PRDM5: variants seen among roughly 807,000 people sequenced by gnomAD.
The protein encoded by PRDM5 is PR/SET domain 5, also known as PR domain zinc finger protein 5.
PRDM5 carries 56 observed loss-of-function variants against 81.2 expected under a neutral mutation model. That is an observed-to-expected ratio of 0.69 (90% CI 0.56 to 0.86). The LOEUF (loss-of-function observed/expected upper bound fraction) is 0.86, where lower values mean the gene tolerates loss of function less well. Ranked by LOEUF, PRDM5 falls within the 40% of genes least tolerant of loss-of-function variation. The pLI is 0.00. For missense variants in PRDM5, 697 were observed against 770.1 expected, an observed-to-expected ratio of 0.91 and a Z score of 1.12; for synonymous variants, 267 against 256.4, an observed-to-expected ratio of 1.04 and a Z score of -0.39.
chr4:120,740,507 A>G (rs746756372), intron 14 of PRDM5, among the ~76,000 whole-genome samples: 14 of 152,146 alleles, frequency 9.2e-5, no homozygotes, highest in Non-Finnish European at 1.5e-4. Context: ...GAAAATCACA[A>G]TATCCCAAAA....
intron 15 of PRDM5, among the ~76,000 whole-genome samples, chr4:120,705,744 A>T (rs1736012915): frequency 6.6e-6 from 1 of 152,124 alleles, no homozygotes; most frequent in Non-Finnish European, 1.5e-5. Context: ...ATATAATCTG[A>T]CTCAGGTTCT....
At chr4:120,770,994 A>G (rs4259089) in intron 13 of PRDM5, among the ~76,000 whole-genome samples, 95,354 of 151,548 alleles carry the variant, frequency 0.63, 30,560 homozygotes, top group East Asian at 0.72. Flanking sequence ...TTCTTACAAA[A>G]ATATATCCTT....
At chr4:120,844,062 G>A (rs534194448) in intron 3 of PRDM5, among the ~76,000 whole-genome samples, 1 of 152,214 alleles carries the variant, frequency 6.6e-6, no homozygotes, top group East Asian at 1.9e-4. Flanking sequence ...CCACTGTGGG[G>A]CAGGCTCACT....
At chr4:120,764,799 C>A (rs1356305367) in intron 13 of PRDM5, among the ~76,000 whole-genome samples, 1 of 152,092 alleles carries the variant, frequency 6.6e-6, no homozygotes, top group African/African-American at 2.4e-5. Flanking sequence ...TTCTACTCAA[C>A]GTTTCTGTTA....
chr4:120,713,961 G>A (rs751423039), intron 14 of PRDM5, among the ~76,000 whole-genome samples: 3 of 152,030 alleles, frequency 2.0e-5, no homozygotes, highest in Non-Finnish European at 2.9e-5. Context: ...CCTTATAAGC[G>A]CACTAATCCC....
chr4:120,693,775 A>T lies in PRDM5; in HGVS notation c.*1336T>A, dbSNP rs1734247685. On this transcript the variant is annotated 3_prime_UTR_variant, in exon 16 of 16. Coordinates refer to ENST00000264808, the MANE Select transcript of PRDM5 (RefSeq NM_018699.4). ...ACTTCCTTTCTTTTGACTGGGCTTCAGTTAGAGAGGTTCATGAGTTGGGCT... is the reference window on the plus strand; with the variant it reads ...ACTTCCTTTCTTTTGACTGGGCTTCTGTTAGAGAGGTTCATGAGTTGGGCT... The T allele has an allele frequency of 6.6e-6, 1 of 152,090 alleles. No homozygotes were observed. The allele number at this position is 152,090 out of a possible 1,614,324, so 9.4% of individuals were successfully genotyped here.
chr4:120,750,309 C>T (rs1743794270), intron 14 of PRDM5, among the ~76,000 whole-genome samples: 1 of 152,088 alleles, frequency 6.6e-6, no homozygotes, highest in Non-Finnish European at 1.5e-5. Flanking sequence ...GCAGGGGCCC[C>T]AGGAAAGCCC....
rs1435671695 is a variant in PRDM5, at chr4:120,816,820, C to G, written c.743+12G>C. On this transcript the variant is annotated intron_variant, in intron 6 of 15. Coordinates refer to ENST00000264808, the MANE Select transcript of PRDM5 (RefSeq NM_018699.4). ...ATTATATAACAGCCATTTCATAACTCAGACACAAAACCTCGATGCTGAACT... is the reference window on the plus strand; with the variant it reads ...ATTATATAACAGCCATTTCATAACTGAGACACAAAACCTCGATGCTGAACT... The G allele has an allele frequency of 3.1e-6, 5 of 1,608,996 alleles. No individual in the cohort carries two copies. In the African/African-American group the frequency reaches 4.0e-5, roughly 13 times the overall value.
chr4:120,703,885 C>T (rs1382022110), intron 15 of PRDM5, among the ~76,000 whole-genome samples: 1 of 151,952 alleles, frequency 6.6e-6, no homozygotes, highest in African/African-American at 2.4e-5. Context: ...TATGTGAGCT[C>T]ACCCTACTTT....
intron 14 of PRDM5, among the ~76,000 whole-genome samples, chr4:120,751,655 C>T (rs185512159): frequency 2.0e-5 from 3 of 152,268 alleles, no homozygotes; most frequent in Admixed American, 2.0e-4. Context: ...ATAAAATCCA[C>T]CAGCCTTCAC....
intron 3 of PRDM5, among the ~76,000 whole-genome samples, chr4:120,823,004 T>G (rs1471637455): frequency 6.6e-6 from 1 of 152,176 alleles, no homozygotes; most frequent in Admixed American, 6.5e-5. Flanking sequence ...AAAAAATATA[T>G]AGACACTAAG....
chr4:120,869,798 A>G (rs940000117), intron 2 of PRDM5, among the ~76,000 whole-genome samples: 12 of 152,202 alleles, frequency 7.9e-5, no homozygotes, highest in Non-Finnish European at 2.9e-5. Flanking sequence ...CTCCTTTGCC[A>G]TGTTGAAAAA....
At chr4:120,835,151 A>G (rs1757192423) in intron 3 of PRDM5, among the ~76,000 whole-genome samples, 1 of 152,212 alleles carries the variant, frequency 6.6e-6, no homozygotes, top group Non-Finnish European at 1.5e-5. Context: ...GTATAACATA[A>G]TGCAATAAAA....
At chr4:120,700,282 C>T (rs983074750) in intron 15 of PRDM5, among the ~76,000 whole-genome samples, 1 of 152,142 alleles carries the variant, frequency 6.6e-6, no homozygotes, top group Non-Finnish European at 1.5e-5. Flanking sequence ...GGATTCCTAC[C>T]TTTCAACATA....
At chr4:120,808,075 G>C (rs948326046) in intron 8 of PRDM5, among the ~76,000 whole-genome samples, 22 of 152,290 alleles carry the variant, frequency 1.4e-4, no homozygotes, top group African/African-American at 4.6e-4. Context: ...TGGACCCAAA[G>C]AGTGAGCAGC....
intron 3 of PRDM5, among the ~76,000 whole-genome samples, chr4:120,828,146 T>C (rs908874728): frequency 6.6e-6 from 1 of 152,134 alleles, no homozygotes; most frequent in Non-Finnish European, 1.5e-5. Flanking sequence ...TATCCTAGTA[T>C]ATAACTTATT....
intron 3 of PRDM5, among the ~76,000 whole-genome samples, chr4:120,843,496 A>C (rs746485053): frequency 1.3e-4 from 20 of 151,840 alleles, no homozygotes; most frequent in Non-Finnish European, 2.4e-4. Context: ...TAAGTACAAG[A>C]GTTCAAGGCC....
chr4:120,906,999 T>C (rs1210001163), intron 2 of PRDM5, among the ~76,000 whole-genome samples: 1 of 141,620 alleles, frequency 7.1e-6, no homozygotes, highest in Admixed American at 7.4e-5. Context: ...CAGTCCACTT[T>C]CTCTAAAAAA....
At chr4:120,688,669 ACTT>A (rs1199985212), downstream of PRDM5, among the ~76,000 whole-genome samples, 16 of 152,024 alleles carry the variant, frequency 1.1e-4, no homozygotes, top group African/African-American at 3.4e-4. Context: ...TAAGGCTCCA[ACTT>A]CTTTTTTTAC....
Sources: gnomAD v4.1 joint callset for allele counts (sites outside exome capture counted in the v4.1 genomes callset) on GRCh38, gnomAD v4.1.1 for gene constraint, MANE v1.5 for transcripts, NCBI Gene and HGNC (gene_info 2026-07-23, HGNC 2026-07-21) for gene names.